Variants in CFDP1 observed in about 807,000 individuals in gnomAD.
CFDP1 encodes heterochromatin-stabilizing protein CFDP1.
In CFDP1, 31 loss-of-function variants were observed where a neutral mutation model predicts 40.1. The ratio of observed to expected loss-of-function variants is 0.77; its 90% confidence interval spans 0.58 to 1.04. The LOEUF (loss-of-function observed/expected upper bound fraction) is 1.04. Ranked by LOEUF, CFDP1 falls within the 50% of genes least tolerant of loss-of-function variation. CFDP1 has a pLI of 0.00. For missense variants in CFDP1, 423 were observed against 343.4 expected (o/e 1.23, Z -1.83); for synonymous variants, 167 against 120.0 (o/e 1.39, Z -2.56).
chr16:75,303,792 TAGTG>T (rs1236420527), intron 6 of CFDP1, among the ~76,000 whole-genome samples: 1 of 152,114 alleles, frequency 6.6e-6, no homozygotes, highest in Admixed American at 6.5e-5. Context: ...CACAACCACA[TAGTG>T]AGGATGGTAT....
Position 75,393,737 on chromosome 16 carries a change from CAAAAAA to C in CFDP1, c.650+1347_650+1352del, listed in dbSNP as rs61344775. On this transcript the variant is annotated intron_variant, in intron 5 of 6. Coordinates refer to ENST00000283882, the MANE Select transcript of CFDP1 (RefSeq NM_006324.3). The stretch of plus-strand genomic sequence containing the variant: ...TGGGCGACAGAGCGAGACTCCGTCG[CAAAAAA>C]AAAAAAAAAAAAAAAAAAAAAAAAA... 7.4e-5 allele frequency among the ~76,000 whole-genome samples: 6 copies of C among 80,618 alleles called. 1 individual carries two copies. Among genetic ancestry groups the C allele is most frequent in the African/African-American group, 2.3e-4 (4 of 17,200 alleles). The allele number at this position is 80,618 out of a possible 152,430, so 52.9% of individuals were successfully genotyped here. A position where few individuals can be genotyped will look rare whatever the true frequency, so the allele number is the denominator to read the frequency against.
intron 5 of CFDP1, among the ~76,000 whole-genome samples, chr16:75,389,727 T>G (rs1031286584): frequency 2.6e-5 from 4 of 152,212 alleles, no homozygotes; most frequent in Admixed American, 1.3e-4. Flanking sequence ...AAATATTAGA[T>G]TATTCCTATA....
intron 5 of CFDP1, among the ~76,000 whole-genome samples, chr16:75,375,152 TCTTCTCAAC>T (rs1307285334): frequency 6.8e-6 from 1 of 147,058 alleles, no homozygotes; most frequent in Non-Finnish European, 1.5e-5. Flanking sequence ...AAAGGCAAAA[TCTTCTCAAC>T]CTTATAGGCA....
rs1247117962 is a variant in CFDP1, at chr16:75,414,712, G to C, written c.65-17C>G. 1 of 1,495,282 alleles carries C rather than the reference G, an allele frequency of 6.7e-7. No individual in the cohort carries two copies. Among genetic ancestry groups the C allele is most frequent in the African/African-American group, 1.4e-5 (1 of 72,266 alleles). The allele number at this position is 1,495,282 out of a possible 1,614,324, so 92.6% of individuals were successfully genotyped here. On this transcript the variant is annotated splice_polypyrimidine_tract_variant and intron_variant, in intron 1 of 6. Transcript: ENST00000283882. ...ACTCTCCACCTGAAATCACATAACA[G>C]GGTGATCAGACAGGAATAAAGGTTT...
chr16:75,429,583 G>A (rs1422339527), intron 1 of CFDP1, among the ~76,000 whole-genome samples: 1 of 152,172 alleles, frequency 6.6e-6, no homozygotes, highest in Non-Finnish European at 1.5e-5. Context: ...AACCCGGGAG[G>A]TGGAGGTTGC....
intron 1 of CFDP1, among the ~76,000 whole-genome samples, chr16:75,429,018 G>A (rs1167780947): frequency 9.3e-6 from 1 of 107,310 alleles, no homozygotes; most frequent in Non-Finnish European, 2.3e-5. Flanking sequence ...TCCGGAGGCT[G>A]AGGTGGGAGA....
chr16:75,374,552 C>T (rs2151542528), intron 5 of CFDP1, among the ~76,000 whole-genome samples: 1 of 151,824 alleles, frequency 6.6e-6, no homozygotes, highest in South Asian at 2.1e-4. Context: ...CATAGTGGCT[C>T]ACACCTGTAG....
chr16:75,382,940 T>C (rs926388561), intron 5 of CFDP1, among the ~76,000 whole-genome samples: 4 of 152,260 alleles, frequency 2.6e-5, no homozygotes, highest in African/African-American at 7.2e-5. Context: ...GAGTTTTTCC[T>C]ACACATTCTC....
intron 5 of CFDP1, among the ~76,000 whole-genome samples, chr16:75,372,842 C>T (rs1030526728): frequency 6.6e-6 from 1 of 152,066 alleles, no homozygotes; most frequent in South Asian, 2.1e-4. Flanking sequence ...TCCTAAATAA[C>T]CCAGAGTACA....
intron 4 of CFDP1, among the ~76,000 whole-genome samples, chr16:75,399,489 C>T (rs920908392): frequency 6.6e-6 from 1 of 152,180 alleles, no homozygotes; most frequent in African/African-American, 2.4e-5. Flanking sequence ...GATGAAACTA[C>T]ACAAGGATAA....
chr16:75,347,476 G>C (rs1041774590), intron 5 of CFDP1, among the ~76,000 whole-genome samples: 1 of 151,622 alleles, frequency 6.6e-6, no homozygotes, highest in Non-Finnish European at 1.5e-5. Flanking sequence ...TCAAGACATC[G>C]AGACCATCCT....
chr16:75,383,678 G>T (rs763243742), intron 5 of CFDP1, among the ~76,000 whole-genome samples: 1 of 152,088 alleles, frequency 6.6e-6, no homozygotes, highest in African/African-American at 2.4e-5. Context: ...AATTAGCCGG[G>T]CATGGTGGTG....
At chr16:75,399,875 G>A (rs2079033774) in intron 4 of CFDP1, among the ~76,000 whole-genome samples, 1 of 152,080 alleles carries the variant, frequency 6.6e-6, no homozygotes, top group African/African-American at 2.4e-5. Context: ...GCCAAGGCAG[G>A]CGGATCACCT....
At chr16:75,381,971 C>G (rs1335123905) in intron 5 of CFDP1, among the ~76,000 whole-genome samples, 1 of 152,020 alleles carries the variant, frequency 6.6e-6, no homozygotes, top group Non-Finnish European at 1.5e-5. Context: ...AGACAATTAG[C>G]CAGGCATGGT....
intron 5 of CFDP1, among the ~76,000 whole-genome samples, chr16:75,314,381 A>G (rs536305117): frequency 2.0e-5 from 3 of 152,262 alleles, no homozygotes; most frequent in African/African-American, 2.4e-5. Context: ...AGGACCATAT[A>G]TTGTATGATT....
At chr16:75,404,817 G>A (rs1485953525) in intron 4 of CFDP1, among the ~76,000 whole-genome samples, 2 of 152,004 alleles carry the variant, frequency 1.3e-5, no homozygotes, top group Non-Finnish European at 2.9e-5. Context: ...AACAACAAAA[G>A]ACCAATTATG....
intron 3 of CFDP1, among the ~76,000 whole-genome samples, chr16:75,412,304 G>A (rs542931066): frequency 3.3e-4 from 51 of 152,266 alleles, no homozygotes; most frequent in African/African-American, 1.2e-3. Flanking sequence ...TTGGTGTGTG[G>A]CACTGCAGTC....
chr16:75,353,422 C>A (rs2078625991), intron 5 of CFDP1, among the ~76,000 whole-genome samples: 1 of 151,942 alleles, frequency 6.6e-6, no homozygotes, highest in Admixed American at 6.6e-5. Context: ...AAATTTGCTT[C>A]AAAATCATAT....
intron 5 of CFDP1, among the ~76,000 whole-genome samples, chr16:75,387,910 CA>C (rs1197448330): frequency 6.6e-6 from 1 of 151,912 alleles, no homozygotes; most frequent in Non-Finnish European, 1.5e-5. Flanking sequence ...GAAAAGCTTA[CA>C]AAGGAAAAAT....
Sources: allele counts gnomAD v4.1 joint callset (sites outside exome capture counted in the v4.1 genomes callset), GRCh38; gene constraint gnomAD v4.1.1; transcripts MANE v1.5; gene names NCBI Gene and HGNC (gene_info 2026-07-23, HGNC 2026-07-21).